AGBL1: variants seen among roughly 807,000 people sequenced by gnomAD.
AGBL1 encodes cytosolic carboxypeptidase 4.
AGBL1 carries 130 observed loss-of-function variants against 118.9 expected under a neutral mutation model. The ratio of observed to expected loss-of-function variants is 1.09; its 90% CI spans 0.95 to 1.26. AGBL1 has a LOEUF of 1.26. AGBL1 is among the 50% of genes most tolerant of loss of function. The probability of loss-of-function intolerance (pLI) is 0.00; values close to 1 mark genes in which losing one functional copy is unlikely to be tolerated. For synonymous variants in AGBL1, 555 were observed against 478.9 expected (o/e 1.16, Z -2.08); for missense variants, 1,584 against 1,298.1 (o/e 1.22, Z -3.38).
At chr15:86,675,303 AT>A (rs1301104041) in intron 22 of AGBL1, among the ~76,000 whole-genome samples, 1 of 152,102 alleles carries the variant, frequency 6.6e-6, no homozygotes, top group African/African-American at 2.4e-5. Context: ...GGGCCATCTT[AT>A]TTTGAGCTAA....
chr15:86,970,377 A>G (rs926083561), intron 23 of AGBL1, among the ~76,000 whole-genome samples: 3 of 151,930 alleles, frequency 2.0e-5, no homozygotes, highest in African/African-American at 4.8e-5. Flanking sequence ...TGAATTGCCA[A>G]TTGTATATCA....
chr15:86,578,791 C>T (rs1294277118), intron 21 of AGBL1, among the ~76,000 whole-genome samples: 4 of 152,210 alleles, frequency 2.6e-5, no homozygotes, highest in Admixed American at 6.5e-5. Context: ...ACTTGCGGCT[C>T]CTTGCCTTTC....
intron 1 of AGBL1, among the ~76,000 whole-genome samples, chr15:86,132,533 C>G (rs988555319): frequency 6.6e-6 from 1 of 152,174 alleles, no homozygotes; most frequent in African/African-American, 2.4e-5. Context: ...ATCCTTAATT[C>G]TAACCTGCAA....
intron 22 of AGBL1, among the ~76,000 whole-genome samples, chr15:86,904,224 G>T (rs541870776): frequency 6.6e-6 from 1 of 152,270 alleles, no homozygotes; most frequent in African/African-American, 2.4e-5. Context: ...TCTAGAGTAT[G>T]TGAGGCCCAA....
At chr15:86,181,792 G>GT (rs1327388928) in intron 5 of AGBL1, among the ~76,000 whole-genome samples, 2 of 151,980 alleles carry the variant, frequency 1.3e-5, no homozygotes, top group Admixed American at 1.3e-4. Flanking sequence ...ATGGTGGGGG[G>GT]TAAATGATTT....
rs764956966 is a variant in AGBL1 at position 86,264,489 on chromosome 15, C to G, written c.1318C>G (p.Gln440Glu). The G allele has an allele frequency of 3.1e-6, 5 of 1,613,862 alleles. No individual in the cohort carries two copies. In the African/African-American group the frequency reaches 6.7e-5, roughly 22 times the overall value. The change falls in exon 11 of 23, where the codon CAA becomes GAA. Residue 440 changes from glutamine to glutamate, a missense_variant. Transcript: ENST00000614907. The stretch of plus-strand genomic sequence containing the variant: ...AAAAAATCCTGGAGTGAACCTGTAC[C>G]AAAATGTGCAATCCAATAGTCTCAG... The part of the protein sequence containing the change: ...SKKNPGVNLY[Q>E]NVQSNSLRRD...
At chr15:86,602,459 A>G (rs1037510723) in intron 21 of AGBL1, among the ~76,000 whole-genome samples, 27 of 152,216 alleles carry the variant, frequency 1.8e-4, no homozygotes, top group African/African-American at 6.5e-4. Context: ...AGAGAGGGAA[A>G]TAGAGTCACA....
intron 23 of AGBL1, among the ~76,000 whole-genome samples, chr15:86,927,176 A>G (rs904988610): frequency 1.3e-5 from 2 of 151,832 alleles, no homozygotes; most frequent in South Asian, 2.1e-4. Context: ...ATAAAATAAA[A>G]TAAAATAAAA....
intron 18 of AGBL1, among the ~76,000 whole-genome samples, chr15:86,518,018 T>G (rs1268542629): frequency 1.3e-5 from 2 of 152,208 alleles, no homozygotes. Context: ...TGCCTCTCTT[T>G]AGGCTCCAGA....
chr15:86,686,268 G>A (rs1384839883), intron 22 of AGBL1, among the ~76,000 whole-genome samples: 1 of 152,052 alleles, frequency 6.6e-6, no homozygotes, highest in Non-Finnish European at 1.5e-5. Context: ...TCAGTGAAGT[G>A]CTGAGGACCT....
chr15:86,560,855 C>G (rs2083808104), intron 21 of AGBL1, among the ~76,000 whole-genome samples: 1 of 152,206 alleles, frequency 6.6e-6, no homozygotes, highest in African/African-American at 2.4e-5. Context: ...GATGGTATGT[C>G]ATTGTGGTTT....
intron 5 of AGBL1, among the ~76,000 whole-genome samples, chr15:86,194,059 T>A (rs944245529): frequency 6.6e-6 from 1 of 152,222 alleles, no homozygotes; most frequent in African/African-American, 2.4e-5. Flanking sequence ...CTCTTGACTT[T>A]GCCGTTTTTT....
Position 86,264,501 on chromosome 15 carries a change from T to C in AGBL1, c.1330T>C (p.Ser444Pro). 1 of 1,613,968 alleles carries C rather than the reference T, an allele frequency of 6.2e-7. No homozygotes were observed. The highest frequency in any genetic ancestry group is 8.5e-7 in the Non-Finnish European group (1 of 1,179,886). Residue 444 changes from serine to proline, a missense_variant, in exon 11 of 23, where the codon TCC becomes CCC. Coordinates refer to ENST00000614907, the MANE Select transcript of AGBL1 (RefSeq NM_001386094.1). ...PGVNLYQNVQSNSLRRDSSES... is the reference protein window; with the variant it reads ...PGVNLYQNVQPNSLRRDSSES... ...AGTGAACCTGTACCAAAATGTGCAATCCAATAGTCTCAGGAGAGATTCTTC... is the reference window on the plus strand; with the variant it reads ...AGTGAACCTGTACCAAAATGTGCAACCCAATAGTCTCAGGAGAGATTCTTC...
At chr15:86,322,270 C>T (rs1482474156) in intron 17 of AGBL1, among the ~76,000 whole-genome samples, 1 of 151,830 alleles carries the variant, frequency 6.6e-6, no homozygotes, top group African/African-American at 2.4e-5. Context: ...TCCACTACAA[C>T]AAGAGATTTG....
chr15:86,239,888 AAT>A (rs2078614367), intron 6 of AGBL1, among the ~76,000 whole-genome samples: 1 of 152,224 alleles, frequency 6.6e-6, no homozygotes, highest in African/African-American at 2.4e-5. Flanking sequence ...TGAGATGATG[AAT>A]ATGTTTATTA....
At chr15:86,973,811 G>A (rs1198844477) in intron 23 of AGBL1, among the ~76,000 whole-genome samples, 1 of 150,200 alleles carries the variant, frequency 6.7e-6, no homozygotes, top group Non-Finnish European at 1.5e-5. Context: ...TTTCTTCATT[G>A]AAAAGCAGAA....
chr15:86,166,285 T>G (rs374914956), intron 5 of AGBL1, among the ~76,000 whole-genome samples: 1 of 152,348 alleles, frequency 6.6e-6, no homozygotes, highest in East Asian at 1.9e-4. Flanking sequence ...GACCTCAAGT[T>G]GCCGACAGCC....
chr15:86,416,768 T>C (rs191162512), intron 18 of AGBL1, among the ~76,000 whole-genome samples: 2 of 152,314 alleles, frequency 1.3e-5, no homozygotes, highest in East Asian at 3.9e-4. Flanking sequence ...AAATAGATTA[T>C]ATATCCATAA....
intron 23 of AGBL1, among the ~76,000 whole-genome samples, chr15:86,977,393 T>C (rs1370660559): frequency 7.3e-6 from 1 of 137,806 alleles, no homozygotes. Flanking sequence ...TTATTAAAGT[T>C]TTTTTTTTTA....
Sources: gnomAD v4.1 joint callset for allele counts (sites outside exome capture counted in the v4.1 genomes callset) on GRCh38, gnomAD v4.1.1 for gene constraint, MANE v1.5 for transcripts, NCBI Gene and HGNC (gene_info 2026-07-23, HGNC 2026-07-21) for gene names.